The following PLD5 variants were observed in gnomAD, a reference collection of about 807,000 sequenced individuals.
PLD5 encodes the protein phospholipase D family member 5.
Under a neutral mutation model 61.1 loss-of-function variants are expected in PLD5, and 36 were observed. The observed-to-expected ratio is 0.59, with a 90% confidence interval of 0.45 to 0.78. The LOEUF (loss-of-function observed/expected upper bound fraction) is 0.78. Among genes scored for constraint, PLD5 ranks in the 30% least tolerant of loss-of-function variants. The pLI is 0.00. For missense variants in PLD5, 515 were observed against 644.4 expected (o/e 0.80, Z 2.17); for synonymous variants, 243 against 242.8 (o/e 1.00, Z -0.01).
At chr1:242,303,329 T>C (rs766357539) in intron 2 of PLD5, among the ~76,000 whole-genome samples, 4 of 152,186 alleles carry the variant, frequency 2.6e-5, no homozygotes, top group African/African-American at 7.2e-5. Context: ...CTACTAACAA[T>C]TGAGACTGCC....
chr1:242,490,343 G>C (rs1207761231), intron 1 of PLD5, among the ~76,000 whole-genome samples: 2 of 152,166 alleles, frequency 1.3e-5, no homozygotes, highest in Non-Finnish European at 2.9e-5. Flanking sequence ...GGAGACCACT[G>C]TTTTGCAAAA....
intron 3 of PLD5, among the ~76,000 whole-genome samples, chr1:242,285,585 G>C (rs1446708842): frequency 6.6e-6 from 1 of 151,752 alleles, no homozygotes; most frequent in Non-Finnish European, 1.5e-5. Context: ...AAGGCTGGAA[G>C]AAGAGTAGGA....
rs546959116 is a variant in PLD5 at position 242,116,979 on chromosome 1, C to T, written c.934-2953G>A. Among the ~76,000 whole-genome samples the T allele has an allele frequency of 2.0e-5, 3 of 152,324 alleles. No individual in the cohort carries two copies. In the East Asian group the frequency reaches 5.8e-4, roughly 29 times the overall value. ...AGGGTTTCCTGGGTCTGTCCCTCCT[C>T]TTACTCTTGATCACTCAGTAAGTTT... On this transcript the variant is annotated intron_variant, in intron 6 of 9. Coordinates refer to ENST00000536534, the MANE Select transcript of PLD5 (RefSeq NM_001372062.1).
At chr1:242,236,603 A>G (rs1465856021) in intron 4 of PLD5, among the ~76,000 whole-genome samples, 1 of 152,234 alleles carries the variant, frequency 6.6e-6, no homozygotes, top group Non-Finnish European at 1.5e-5. Flanking sequence ...TTTAAATACT[A>G]TTAAGAGATT....
At chr1:242,317,211 C>T (rs563319199) in intron 2 of PLD5, among the ~76,000 whole-genome samples, 8 of 152,132 alleles carry the variant, frequency 5.3e-5, no homozygotes, top group African/African-American at 1.4e-4. Context: ...GACATGGTTT[C>T]GCCATGTTGT....
At chr1:242,410,076 C>T (rs1664465176) in intron 1 of PLD5, among the ~76,000 whole-genome samples, 1 of 152,160 alleles carries the variant, frequency 6.6e-6, no homozygotes, top group East Asian at 1.9e-4. Context: ...TATAATATTC[C>T]TCCCTGTGGA....
chr1:242,525,060 C>T (rs1045152219), upstream of PLD5, among the ~76,000 whole-genome samples: 1 of 151,828 alleles, frequency 6.6e-6, no homozygotes, highest in Non-Finnish European at 1.5e-5. Context: ...CCTCACCCTG[C>T]CCCCGGCTCG....
chr1:242,140,844 A>G (rs904199319), intron 5 of PLD5, among the ~76,000 whole-genome samples: 5 of 152,124 alleles, frequency 3.3e-5, no homozygotes, highest in Admixed American at 1.3e-4. Flanking sequence ...TCACTGGGGA[A>G]CATGCTTCCT....
At chr1:242,519,204 T>C (rs1031832386) in intron 1 of PLD5, among the ~76,000 whole-genome samples, 2 of 152,214 alleles carry the variant, frequency 1.3e-5, no homozygotes, top group African/African-American at 4.8e-5. Context: ...AGTATTTTCA[T>C]GGATCTGCTC....
Position 242,394,612 on chromosome 1 carries a change from A to C in PLD5, c.190-46370T>G. The stretch of plus-strand genomic sequence containing the variant: ...CATATATATGTGTATATATGTGAAC[A>C]TATATATGTGTATATATGTGAACAT... On this transcript the variant is annotated intron_variant, in intron 1 of 9. Transcript: ENST00000536534. 1.0e-4 allele frequency among the ~76,000 whole-genome samples: 2 copies of C among 19,570 alleles called. 1 individual carries two copies. Among genetic ancestry groups the C allele is most frequent in the South Asian group, 4.7e-3 (2 of 430 alleles). 12.8% of individuals were successfully genotyped at this position (19,570 alleles called of 152,430 possible).
At position 242,167,514 on chromosome 1, in the gene PLD5, TGTG is replaced by T. The variant is rs1349309983; in HGVS notation, c.736-42852_736-42850del. Reference sequence around the variant, plus strand: ...CTCCCACCAGGTCCCTTCCATGACATGTGGGGATTATGGGAGCTACAATTCAAG... The same window carrying T: ...CTCCCACCAGGTCCCTTCCATGACATGGGATTATGGGAGCTACAATTCAAG... On this transcript the variant is annotated intron_variant, in intron 5 of 9. Transcript: ENST00000536534. 2.0e-5 allele frequency among the ~76,000 whole-genome samples: 3 copies of T among 152,324 alleles called. No homozygotes were observed. The East Asian group carries it at 5.8e-4, about 29-fold the overall frequency.
At chr1:242,425,501 G>C (rs1267655280) in intron 1 of PLD5, among the ~76,000 whole-genome samples, 1 of 152,176 alleles carries the variant, frequency 6.6e-6, no homozygotes, top group Non-Finnish European at 1.5e-5. Context: ...CAGTGAGTGA[G>C]AGTGAGTGAA....
chr1:242,526,622 G>A (rs1227484016), upstream of PLD5, among the ~76,000 whole-genome samples: 1 of 152,148 alleles, frequency 6.6e-6, no homozygotes, highest in Non-Finnish European at 1.5e-5. Context: ...TTTTAGTGGA[G>A]ACGGGGTTTC....
chr1:242,366,779 A>G (rs1661366218), intron 1 of PLD5, among the ~76,000 whole-genome samples: 1 of 152,170 alleles, frequency 6.6e-6, no homozygotes, highest in South Asian at 2.1e-4. Context: ...TAGATCCATA[A>G]TGCCTGGCAG....
At chr1:242,122,024 G>C (rs1166793791) in intron 6 of PLD5, among the ~76,000 whole-genome samples, 1 of 152,100 alleles carries the variant, frequency 6.6e-6, no homozygotes. Context: ...CACCAACATG[G>C]CACATGTATA....
intron 1 of PLD5, among the ~76,000 whole-genome samples, chr1:242,387,658 T>C (rs568474829): frequency 1.5e-4 from 21 of 141,282 alleles, no homozygotes; most frequent in African/African-American, 5.5e-4. Flanking sequence ...CTATTTTATA[T>C]AAAATTTTAT....
chr1:242,408,960 G>A (rs927866207), intron 1 of PLD5, among the ~76,000 whole-genome samples: 1 of 151,930 alleles, frequency 6.6e-6, no homozygotes, highest in African/African-American at 2.4e-5. Context: ...CCAGCTACTC[G>A]GGAGGCTGAG....
In PLD5 at chr1:242,504,741, C is replaced by T. The variant is rs189570546; in HGVS notation, c.189+19347G>A. On this transcript the variant is annotated intron_variant, in intron 1 of 9. Transcript: ENST00000536534. ...TTTAGGGAAAAGGTGTTTTCTGCCT[C>T]GGTGAAACATGATTTTCCCAAATAT... 1.2e-3 allele frequency among the ~76,000 whole-genome samples: 180 copies of T among 152,060 alleles called. 3 individuals carry two copies. Among genetic ancestry groups the T allele is most frequent in the African/African-American group, 4.1e-3 (172 of 41,458 alleles).
chr1:242,522,032 T>G (rs968050744), intron 1 of PLD5, among the ~76,000 whole-genome samples: 1 of 152,230 alleles, frequency 6.6e-6, no homozygotes, highest in African/African-American at 2.4e-5. Flanking sequence ...ATTAATTCAT[T>G]AAAAATGTTC....
Sources: allele counts gnomAD v4.1 joint callset (sites outside exome capture counted in the v4.1 genomes callset), GRCh38; gene constraint gnomAD v4.1.1; transcripts MANE v1.5; gene names NCBI Gene and HGNC (gene_info 2026-07-23, HGNC 2026-07-21).